Variants in APPL1 observed in about 807,000 individuals in gnomAD.
APPL1 encodes the protein adaptor protein, phosphotyrosine interacting with PH domain and leucine zipper 1.
Under a neutral mutation model 106.8 loss-of-function variants are expected in APPL1, and 42 were observed. The ratio of observed to expected loss-of-function variants is 0.39; its 90% CI spans 0.31 to 0.51. The LOEUF (loss-of-function observed/expected upper bound fraction) is 0.51. Ranked by LOEUF, APPL1 falls within the 20% of genes least tolerant of loss-of-function variation. The pLI is 0.75. For missense variants in APPL1, 769 were observed against 858.2 expected (o/e 0.90, Z 1.30); for synonymous variants, 263 against 281.8 (o/e 0.93, Z 0.67).
rs974790598 is a variant in APPL1, at chr3:57,271,250, T to A, written c.*1563T>A. 2.0e-5 allele frequency: 3 copies of A among 152,604 alleles called. No individual in the cohort carries two copies. The highest frequency in any genetic ancestry group is 4.4e-5 in the Non-Finnish European group (3 of 68,022). The allele number at this position is 152,604 out of a possible 1,614,324, so 9.5% of individuals were successfully genotyped here. ...CACTGTATATGTACATTGTTTTCTGTAGGAATAGGATAATGATATATAGGA... is the reference window on the plus strand; with the variant it reads ...CACTGTATATGTACATTGTTTTCTGAAGGAATAGGATAATGATATATAGGA... On this transcript the variant is annotated 3_prime_UTR_variant, in exon 22 of 22. Transcript: ENST00000288266.
Position 57,238,072 on chromosome 3 carries a change from G to A in APPL1, c.241G>A (p.Val81Ile). The A allele has an allele frequency of 6.2e-7, 1 of 1,612,128 alleles. No individual in the cohort carries two copies. The highest frequency in any genetic ancestry group is 8.5e-7 in the Non-Finnish European group (1 of 1,179,270). ...QRFPLGGDDE[V>I]MSSTLQQFSK... ...TTTTCCATTGGGAGGTGATGATGAA[G>A]TTATGAGCTCTACATTGCAACAGTT... Residue 81 changes from valine (V) to isoleucine (I), a missense_variant, in exon 4 of 22, where the codon GTT becomes ATT. Val to Ile is a conservative substitution (Grantham distance 29). Coordinates refer to ENST00000288266, the MANE Select transcript of APPL1 (RefSeq NM_012096.3).
chr3:57,242,924 A>G lies in APPL1; in HGVS notation c.474+10A>G, dbSNP rs775819003. On this transcript the variant is annotated intron_variant, in intron 7 of 21. Coordinates refer to ENST00000288266, the MANE Select transcript of APPL1 (RefSeq NM_012096.3). Reference sequence around the variant, plus strand: ...AAGAGAAAATGACAAGGTGTGGTACATATTTATTCCTTCAGTGTCATAATT... The same window carrying G: ...AAGAGAAAATGACAAGGTGTGGTACGTATTTATTCCTTCAGTGTCATAATT... 1 of 1,600,010 alleles carries G rather than the reference A, an allele frequency of 6.2e-7. No homozygotes were observed. Among genetic ancestry groups the G allele is most frequent in the South Asian group, 1.1e-5 (1 of 90,490 alleles).
intron 19 of APPL1, among the ~76,000 whole-genome samples, chr3:57,261,239 C>T (rs762786922): frequency 2.0e-5 from 3 of 152,166 alleles, no homozygotes; most frequent in Admixed American, 6.5e-5. Context: ...GCTTATTTCA[C>T]GTAAGATAAT....
At chr3:57,264,381 C>T (rs1453127641) in intron 19 of APPL1, among the ~76,000 whole-genome samples, 6 of 151,930 alleles carry the variant, frequency 3.9e-5, no homozygotes, top group Non-Finnish European at 5.9e-5. Flanking sequence ...AACTTTTTAA[C>T]TTGATGAGAT....
rs143112954 is a variant in APPL1, at chr3:57,231,773, A to G, written c.55-3793A>G. On this transcript the variant is annotated intron_variant, in intron 1 of 21. Transcript: ENST00000288266. Reference sequence around the variant, plus strand: ...CAGTGAGCTATGATCACACCACTGCACTCCAGCCTGGGTAACAGAACGAGG... The same window carrying G: ...CAGTGAGCTATGATCACACCACTGCGCTCCAGCCTGGGTAACAGAACGAGG... Among the ~76,000 whole-genome samples the G allele has an allele frequency of 1.2e-3, 185 of 150,476 alleles. 1 individual carries two copies. The highest frequency in any genetic ancestry group is 4.4e-3 in the African/African-American group (178 of 40,826).
intron 2 of APPL1, among the ~76,000 whole-genome samples, chr3:57,237,178 A>C (rs1448474485): frequency 6.6e-6 from 1 of 152,226 alleles, no homozygotes; most frequent in Non-Finnish European, 1.5e-5. Flanking sequence ...TCAGTCATCA[A>C]CGTAGATGCT....
intron 5 of APPL1, 29 bp from the exon 6 acceptor site, chr3:57,242,072 A>C: frequency 1.3e-6 from 2 of 1,525,512 alleles, no homozygotes; most frequent in Non-Finnish European, 1.8e-6. Context: ...TAAATGTGCC[A>C]AACTTAAATT....
At chr3:57,238,147 A>G (rs764209818) in intron 4 of APPL1, 31 bp downstream of exon 4, 9 of 1,532,814 alleles carry the variant, frequency 5.9e-6, no homozygotes, top group Non-Finnish European at 8.1e-6. Flanking sequence ...GCTTGATTAA[A>G]TGGTCTTATA....
intron 4 of APPL1, among the ~76,000 whole-genome samples, chr3:57,239,196 TGG>T (rs1434909815): frequency 3.3e-5 from 5 of 152,144 alleles, no homozygotes; most frequent in Admixed American, 1.3e-4. Flanking sequence ...TTATCTCCCA[TGG>T]GGCCCCTCCC....
chr3:57,235,744 T>A, intron 2 of APPL1, 80 bp downstream of exon 2: 1 of 970,622 alleles, frequency 1.0e-6, no homozygotes, highest in African/African-American at 1.6e-5. Flanking sequence ...TCTGTCTTGT[T>A]TACCACTGCT....
chr3:57,261,818 T>A (rs957760232), intron 19 of APPL1, among the ~76,000 whole-genome samples: 4 of 152,118 alleles, frequency 2.6e-5, no homozygotes, highest in Non-Finnish European at 4.4e-5. Context: ...ATACCCGGTC[T>A]ATTTTTAGTT....
At chr3:57,243,047 C>G (rs997317627) in intron 7 of APPL1, 133 bp downstream of exon 7, 2 of 655,632 alleles carry the variant, frequency 3.1e-6, no homozygotes, top group South Asian at 4.3e-5. Flanking sequence ...TTCTTTCCTT[C>G]TAGCTGTTCA....
At position 57,253,846 on chromosome 3, in the gene APPL1, G is replaced by A. The variant is rs9810453; in HGVS notation, c.1152+108G>A. The A allele has an allele frequency of 2.5e-5, 19 of 775,038 alleles. 1 individual carries two copies. Among genetic ancestry groups the A allele is most frequent in the Middle Eastern group, 9.3e-4 (2 of 2,162 alleles). 48.0% of individuals were successfully genotyped at this position (775,038 alleles called of 1,614,324 possible). On this transcript the variant is annotated intron_variant, in intron 13 of 21. Transcript: ENST00000288266. Reference sequence around the variant, plus strand: ...CTCAGGTTCTGTAATTTTTTAATTTGACCTTGAATGAGTAGCTTTTTTTTT... The same window carrying A: ...CTCAGGTTCTGTAATTTTTTAATTTAACCTTGAATGAGTAGCTTTTTTTTT...
rs537071530 is a variant in APPL1, at chr3:57,261,836, A to G, written c.1842+1062A>G. On this transcript the variant is annotated intron_variant, in intron 19 of 21. Transcript: ENST00000288266. ...CCCGGTCTATTTTTAGTTTTTTGAG[A>G]GATCTCCATACTGTTTTCCATAGTG... Among the ~76,000 whole-genome samples, 138 of 152,176 alleles carry G rather than the reference A, an allele frequency of 9.1e-4. 2 individuals carry two copies. Among genetic ancestry groups the G allele is most frequent in the Non-Finnish European group, 1.7e-3 (114 of 68,002 alleles).
intron 5 of APPL1, 37 bp downstream of exon 5, chr3:57,240,589 G>GACCAC: frequency 6.5e-7 from 1 of 1,537,758 alleles, no homozygotes; most frequent in Non-Finnish European, 9.0e-7. Context: ...TTCATTGGCT[G>GACCAC]TGAGATCAAC....
chr3:57,254,888 G>C (rs1254476026), intron 13 of APPL1, among the ~76,000 whole-genome samples: 3 of 152,178 alleles, frequency 2.0e-5, no homozygotes, highest in Non-Finnish European at 4.4e-5. Context: ...GCCTCCCAAA[G>C]TGCTGGGATT....
At chr3:57,232,353 T>C (rs1176108693) in intron 1 of APPL1, among the ~76,000 whole-genome samples, 2 of 152,200 alleles carry the variant, frequency 1.3e-5, no homozygotes, top group African/African-American at 4.8e-5. Context: ...ATATTAACAA[T>C]TGCTATCAGC....
intron 13 of APPL1, among the ~76,000 whole-genome samples, chr3:57,254,379 T>TC (rs2060824004): frequency 6.6e-6 from 1 of 152,154 alleles, no homozygotes; most frequent in Admixed American, 6.5e-5. Flanking sequence ...AACTAAAACT[T>TC]TAAGTAACAT....
At chr3:57,244,814 A>G (rs759007032) in intron 7 of APPL1, among the ~76,000 whole-genome samples, 7 of 152,234 alleles carry the variant, frequency 4.6e-5, no homozygotes, top group African/African-American at 1.7e-4. Flanking sequence ...GAGGATATCC[A>G]GTGAAAGGAA....
Sources: allele counts gnomAD v4.1 joint callset (sites outside exome capture counted in the v4.1 genomes callset), GRCh38; gene constraint gnomAD v4.1.1; transcripts MANE v1.5; gene names NCBI Gene and HGNC (gene_info 2026-07-23, HGNC 2026-07-21).